The following UPK3A variants were observed in gnomAD, a reference collection of about 807,000 sequenced individuals.
UPK3A encodes the protein uroplakin-3a.
A neutral mutation model predicts 27.6 loss-of-function variants in UPK3A; 32 were observed. The observed-to-expected ratio is 1.16, with a 90% CI of 0.87 to 1.55. UPK3A has a LOEUF of 1.55. UPK3A is among the 40% of genes most tolerant of loss of function. The pLI is 0.00. For missense variants in UPK3A, 370 were observed against 367.9 expected, an observed-to-expected ratio of 1.01 and a Z score of -0.05; for synonymous variants, 171 against 163.9, an observed-to-expected ratio of 1.04 and a Z score of -0.33.
chr22:45,291,629 G>A (rs2084162114), intron 4 of UPK3A, among the ~76,000 whole-genome samples: 1 of 150,000 alleles, frequency 6.7e-6, no homozygotes, highest in African/African-American at 2.5e-5. Flanking sequence ...GTGGGAGTTG[G>A]TATGTGTAGT....
chr22:45,291,889 C>T lies in UPK3A; in HGVS notation c.572-1292C>T, dbSNP rs867287321. On this transcript the variant is annotated intron_variant, in intron 4 of 5. Transcript: ENST00000216211. ...TGTGGTGTGTGAGAGTGTGGCAGGGCGTGTGAGTTGGTATGTGTGGTGTGT... is the reference window on the plus strand; with the variant it reads ...TGTGGTGTGTGAGAGTGTGGCAGGGTGTGTGAGTTGGTATGTGTGGTGTGT... Among the ~76,000 whole-genome samples, 307 of 82,444 alleles carry T rather than the reference C, an allele frequency of 3.7e-3. 1 individual carries two copies. The highest frequency in any genetic ancestry group is 0.014 in the African/African-American group (288 of 21,264). 54.1% of individuals were successfully genotyped at this position (82,444 alleles called of 152,430 possible).
chr22:45,293,084 C>A, intron 4 of UPK3A, 97 bp from the exon 5 acceptor site: 1 of 1,568,324 alleles, frequency 6.4e-7, no homozygotes, highest in Non-Finnish European at 8.6e-7. Context: ...TCCCTGGATC[C>A]CCGGCAGCCA....
chr22:45,294,413 A>C (rs1388189971), intron 5 of UPK3A, among the ~76,000 whole-genome samples: 3 of 149,410 alleles, frequency 2.0e-5, no homozygotes, highest in African/African-American at 4.9e-5. Flanking sequence ...ACCCTGGTAC[A>C]CCCCCCCCGG....
At chr22:45,295,063 T>A (rs774597560) in intron 5 of UPK3A, among the ~76,000 whole-genome samples, 3 of 152,088 alleles carry the variant, frequency 2.0e-5, no homozygotes, top group Non-Finnish European at 2.9e-5. Flanking sequence ...AGACAAGATT[T>A]CACCATGTTG....
intron 2 of UPK3A, among the ~76,000 whole-genome samples, chr22:45,286,708 C>T (rs151136709): frequency 6.6e-6 from 1 of 152,254 alleles, no homozygotes; most frequent in African/African-American, 2.4e-5. Flanking sequence ...AACTAAAGTG[C>T]CTGATCTCCG....
At chr22:45,287,041 C>T in intron 2 of UPK3A, 131 bp from the exon 3 acceptor site, 1 of 1,385,490 alleles carries the variant, frequency 7.2e-7, no homozygotes, top group East Asian at 2.3e-5. Flanking sequence ...CTAAGTTTGC[C>T]CCATGCCTGT....
chr22:45,288,221 G>A (rs1474585261), intron 3 of UPK3A, among the ~76,000 whole-genome samples: 1 of 151,232 alleles, frequency 6.6e-6, no homozygotes, highest in Non-Finnish European at 1.5e-5. Flanking sequence ...TTGAGATGGA[G>A]TTTCGCTCTT....
In UPK3A at chr22:45,287,234, C is replaced by T. The variant is rs2084124738; in HGVS notation, c.271C>T (p.Gln91Ter). The change falls in exon 3 of 6, where the codon CAA becomes TAA. Residue 91 changes from glutamine to a stop codon, truncating the protein, a stop_gained. Coordinates refer to ENST00000216211, the MANE Select transcript of UPK3A (RefSeq NM_006953.4). LOFTEE classifies it high-confidence loss of function. ...TNTPLGSTFL[Q>*]TEGGRTGPYK... Reference sequence around the variant, plus strand: ...CACCCCACTGGGCTCAACGTTCCTACAAACAGAGGGTGGGAGGACAGGTCC... The same window carrying T: ...CACCCCACTGGGCTCAACGTTCCTATAAACAGAGGGTGGGAGGACAGGTCC... The T allele has an allele frequency of 6.2e-7, 1 of 1,614,218 alleles. No individual in the cohort carries two copies. The highest frequency in any genetic ancestry group is 8.5e-7 in the Non-Finnish European group (1 of 1,180,042).
At chr22:45,295,302 C>T (rs981577323) in intron 5 of UPK3A, among the ~76,000 whole-genome samples, 6 of 152,118 alleles carry the variant, frequency 3.9e-5, no homozygotes, top group African/African-American at 1.4e-4. Context: ...TCTTTGGGAA[C>T]ATGGGACAAT....
chr22:45,287,063 C>T, intron 2 of UPK3A, 109 bp from the exon 3 acceptor site: 1 of 1,545,018 alleles, frequency 6.5e-7, no homozygotes, highest in South Asian at 1.1e-5. Flanking sequence ...ATGCCAGTGC[C>T]CAGCACAGAG....
intron 2 of UPK3A, 101 bp downstream of exon 2, chr22:45,286,197 C>G: frequency 2.0e-6 from 3 of 1,484,164 alleles, no homozygotes; most frequent in Non-Finnish European, 2.8e-6. Flanking sequence ...TGCCTGTAGT[C>G]GTCTCATTAA....
At position 45,285,008 on chromosome 22, in the gene UPK3A, C is replaced by A; in HGVS notation, c.-6C>A. 5.2e-6 allele frequency: 8 copies of A among 1,531,094 alleles called. No homozygotes were observed. Among genetic ancestry groups the A allele is most frequent in the Non-Finnish European group, 7.0e-6 (8 of 1,145,446 alleles). 94.8% of individuals were successfully genotyped at this position (1,531,094 alleles called of 1,614,324 possible). ...CGCCCCGCGCTCTGGCGGCTCCTCC[C>A]GGGCGATGCCTCCGCTCTGGGCCCT... On this transcript the variant is annotated 5_prime_UTR_variant, in exon 1 of 6. Coordinates refer to ENST00000216211, the MANE Select transcript of UPK3A (RefSeq NM_006953.4).
intron 4 of UPK3A, among the ~76,000 whole-genome samples, chr22:45,291,446 G>A (rs1191163315): frequency 2.0e-5 from 3 of 151,264 alleles, no homozygotes; most frequent in Admixed American, 6.6e-5. Flanking sequence ...TGTGGTGTGA[G>A]AGTGTGGCAG....
In UPK3A at chr22:45,289,133, C is replaced by T; in HGVS notation, c.561C>T (p.Arg187=). ...EDQTLWSDPI[R]TNQLTPYSTI... is the part of the protein sequence containing the mutation. ...AGACCCTGTGGTCAGACCCCATCCG[C>T]ACCAACCAGCGTAAGTGGTGGGCAG... Residue 187 remains arginine, a synonymous_variant, in exon 4 of 6, where the codon CGC becomes CGT. Coordinates refer to ENST00000216211, the MANE Select transcript of UPK3A (RefSeq NM_006953.4). 1 of 1,614,006 alleles carries T rather than the reference C, an allele frequency of 6.2e-7. No individual in the cohort carries two copies. The highest frequency in any genetic ancestry group is 8.5e-7 in the Non-Finnish European group (1 of 1,180,024).
chr22:45,295,644 G>A lies in UPK3A; in HGVS notation c.789G>A (p.Glu263=), dbSNP rs1261606773. Reference sequence around the variant, plus strand: ...TTCCCAAGTCGCTGGGGGCCTCGGAGTCTTCCTACACGTCCGTGAACCGGG... The same window carrying A: ...TTCCCAAGTCGCTGGGGGCCTCGGAATCTTCCTACACGTCCGTGAACCGGG... The part of the protein sequence containing the change: ...EAVPKSLGAS[E]SSYTSVNRGP... The change falls in exon 6 of 6, where the codon GAG becomes GAA. Residue 263 remains glutamate, a synonymous_variant. Coordinates refer to ENST00000216211, the MANE Select transcript of UPK3A (RefSeq NM_006953.4). 1 of 1,613,966 alleles carries A rather than the reference G, an allele frequency of 6.2e-7. No homozygotes were observed. The highest frequency in any genetic ancestry group is 1.7e-5 in the Admixed American group (1 of 59,998).
rs1483724521 is a variant in UPK3A at position 45,285,948 on chromosome 22, C to T, written c.60C>T (p.Asn20=). 1.2e-6 allele frequency: 2 copies of T among 1,613,916 alleles called. No homozygotes were observed. The highest frequency in any genetic ancestry group is 8.5e-7 in the Non-Finnish European group (1 of 1,180,018). ...LGCLRFGSAV[N]LQPQLASVTF... ...CCTCACTGCCTCCTCCAGCTGTGAA[C>T]CTGCAGCCCCAACTGGCCAGTGTGA... Residue 20 remains asparagine, a synonymous_variant, in exon 2 of 6, where the codon AAC becomes AAT. Transcript: ENST00000216211.
At position 45,293,427 on chromosome 22, in the gene UPK3A, A is replaced by G. The variant is rs1312141124; in HGVS notation, c.704+114A>G. ...GCAGGGGACAGCCCGGAAGGCAAGG[A>G]AGCTACCCTCTGCCCCGCGGGTGGG... On this transcript the variant is annotated intron_variant, in intron 5 of 5. Transcript: ENST00000216211. The G allele has an allele frequency of 7.1e-6, 10 of 1,402,306 alleles. 1 individual carries two copies. The East Asian group carries it at 2.1e-4, about 29-fold the overall frequency. 86.9% of individuals were successfully genotyped at this position (1,402,306 alleles called of 1,614,324 possible).
chr22:45,285,179 T>A (rs2084109122), intron 1 of UPK3A, 114 bp downstream of exon 1: 1 of 1,018,610 alleles, frequency 9.8e-7, no homozygotes, highest in Non-Finnish European at 1.4e-6. Context: ...ATATTACTGT[T>A]ATGAATAATA....
Position 45,287,360 on chromosome 22 carries a change from C to T in UPK3A, c.397C>T (p.Leu133=). Residue 133 remains leucine (L), a synonymous_variant, in exon 3 of 6, where the codon CTG becomes TTG. Transcript: ENST00000216211. ...SKASQILNAY[L]VRVGANGTCL... is the part of the protein sequence containing the mutation. ...GGCCTCACAGATCCTGAATGCCTAC[C>T]TGGTCAGGGTGGGTGCCAACGGGAC... 1 of 1,614,084 alleles carries T rather than the reference C, an allele frequency of 6.2e-7. No homozygotes were observed. Among genetic ancestry groups the T allele is most frequent in the African/African-American group, 1.3e-5 (1 of 75,058 alleles).
Sources: gnomAD v4.1 joint callset for allele counts (sites outside exome capture counted in the v4.1 genomes callset) on GRCh38, gnomAD v4.1.1 for gene constraint, MANE v1.5 for transcripts, NCBI Gene and HGNC (gene_info 2026-07-23, HGNC 2026-07-21) for gene names.